SAXO4: variants seen among roughly 807,000 people sequenced by gnomAD.
SAXO4 encodes the protein protein phosphatase 1 regulatory subunit 32.
chr11:61,482,457 C>T, the SAXO4 span: 3 of 1,599,040 alleles, frequency 1.9e-6, no homozygotes, highest in African/African-American at 2.7e-5. Flanking sequence ...CTTCCCAGCC[C>T]CTGCCCTGCT....
chr11:61,486,347 C>G, the SAXO4 span: 2 of 1,613,832 alleles, frequency 1.2e-6, no homozygotes, highest in Non-Finnish European at 1.7e-6. Flanking sequence ...TTTCCAGGCC[C>G]TCCTCCCAGG....
At chr11:61,486,743 T>C in the SAXO4 span, 20 of 968,818 alleles carry the variant, frequency 2.1e-5, no homozygotes, top group Non-Finnish European at 3.2e-5. Flanking sequence ...GGCCCTCAGG[T>C]GGAGGGTGAA....
At chr11:61,489,910 T>C in the SAXO4 span, 12 of 1,613,070 alleles carry the variant, frequency 7.4e-6, no homozygotes, top group South Asian at 9.9e-5. Context: ...CCCAACCCCA[T>C]GGAGAGCCTG....
the SAXO4 span, chr11:61,482,264 GC>G: frequency 1.3e-5 from 21 of 1,566,382 alleles, no homozygotes; most frequent in Non-Finnish European, 1.8e-5. Context: ...GGGAAGCCCT[GC>G]CTGTTTTTGA....
At chr11:61,482,189 C>T in the SAXO4 span, 3 of 843,084 alleles carry the variant, frequency 3.6e-6, no homozygotes, top group East Asian at 2.5e-5. Flanking sequence ...AGCTCCTGCC[C>T]GTGGCTCTGA....
the SAXO4 span, chr11:61,487,371 C>T: frequency 1.3e-6 from 1 of 782,116 alleles, no homozygotes; most frequent in Non-Finnish European, 2.1e-6. Flanking sequence ...GAAGCATACC[C>T]TAAGCCAAGG....
At chr11:61,485,468 G>C in the SAXO4 span, 1 of 1,448,782 alleles carries the variant, frequency 6.9e-7, no homozygotes, top group Non-Finnish European at 9.6e-7. Flanking sequence ...TGCTACCCCA[G>C]GGGCCCTGGA....
chr11:61,488,449 C>A, the SAXO4 span, among the ~76,000 whole-genome samples: 3 of 151,944 alleles, frequency 2.0e-5, no homozygotes, highest in African/African-American at 7.3e-5. Flanking sequence ...GGACTACAGG[C>A]GCCTGCCACC....
At chr11:61,485,407 C>A in the SAXO4 span, 100 of 1,611,640 alleles carry the variant, frequency 6.2e-5, no homozygotes, top group African/African-American at 1.1e-3. Flanking sequence ...GCCAGGTAGG[C>A]CCTGTCTGAA....
chr11:61,487,158 T>C, the SAXO4 span: 1 of 1,613,560 alleles, frequency 6.2e-7, no homozygotes. Context: ...GCCCACAGGG[T>C]TCAGCCTTAA....
At chr11:61,486,908 G>A in the SAXO4 span, 2 of 1,562,228 alleles carry the variant, frequency 1.3e-6, no homozygotes, top group Non-Finnish European at 1.8e-6. Context: ...CCTCAGGCTG[G>A]CCACCTCAGC....
the SAXO4 span, chr11:61,490,076 G>A: frequency 1.1e-6 from 1 of 935,308 alleles, no homozygotes; most frequent in Non-Finnish European, 1.6e-6. Flanking sequence ...CCTCTGGCTG[G>A]CTCTGGTGTC....
the SAXO4 span, chr11:61,485,232 A>G: frequency 1.0e-6 from 1 of 979,324 alleles, no homozygotes; most frequent in African/African-American, 1.6e-5. Flanking sequence ...TGGCCCACAC[A>G]GGCTTCCTCA....
the SAXO4 span, chr11:61,485,235 C>A: frequency 9.8e-7 from 1 of 1,016,988 alleles, no homozygotes; most frequent in Admixed American, 1.9e-5. Flanking sequence ...CCCACACAGG[C>A]TTCCTCAGAG....
chr11:61,485,557 T>G, the SAXO4 span, among the ~76,000 whole-genome samples: 1 of 152,196 alleles, frequency 6.6e-6, no homozygotes, highest in African/African-American at 2.4e-5. Context: ...TCTCCCGGGC[T>G]GACCTCAGTA....
the SAXO4 span, chr11:61,486,648 G>C: frequency 2.5e-6 from 4 of 1,585,796 alleles, no homozygotes; most frequent in Non-Finnish European, 3.5e-6. Flanking sequence ...GAAGGGAGAA[G>C]ACAGGGAGGT....
the SAXO4 span, chr11:61,486,441 G>T: frequency 1.4e-5 from 22 of 1,613,590 alleles, no homozygotes; most frequent in Non-Finnish European, 1.9e-5. Context: ...ACCGCCTGGC[G>T]GGGAGCAGTT....
At chr11:61,481,622 G>A in the SAXO4 span, among the ~76,000 whole-genome samples, 2 of 152,312 alleles carry the variant, frequency 1.3e-5, no homozygotes, top group Non-Finnish European at 1.5e-5. Context: ...GTGGATGATC[G>A]GTTTCGTCCT....
the SAXO4 span, chr11:61,485,334 C>A: frequency 3.1e-6 from 5 of 1,613,796 alleles, no homozygotes; most frequent in Non-Finnish European, 4.2e-6. Flanking sequence ...CCTCTCTGTT[C>A]CAGGGCCCAC....
Sources: allele counts gnomAD v4.1 joint callset (sites outside exome capture counted in the v4.1 genomes callset), GRCh38; gene constraint gnomAD v4.1.1; transcripts MANE v1.5; gene names NCBI Gene and HGNC (gene_info 2026-07-23, HGNC 2026-07-21).